The following CTNND2 variants were observed in gnomAD, a reference collection of about 807,000 sequenced individuals.
CTNND2 encodes catenin delta-2.
In CTNND2, 22 loss-of-function variants were observed where a neutral mutation model predicts 144.4. That is an observed-to-expected ratio of 0.15 (90% confidence interval 0.11 to 0.22). CTNND2 has a LOEUF of 0.22. Among genes scored for constraint, CTNND2 ranks in the 10% least tolerant of loss-of-function variants. The probability of loss-of-function intolerance (pLI) is 1.00; values close to 1 mark genes in which losing one functional copy is unlikely to be tolerated. For synonymous variants in CTNND2, 751 were observed against 695.6 expected (o/e 1.08, Z -1.25); for missense variants, 1,353 against 1,618.8 (o/e 0.84, Z 2.82).
intron 2 of CTNND2, among the ~76,000 whole-genome samples, chr5:11,730,131 G>A (rs1032787507): frequency 3.3e-5 from 5 of 152,184 alleles, no homozygotes; most frequent in South Asian, 2.1e-4. Context: ...GCTATTTTGA[G>A]TTGTGTCTTG....
chr5:11,511,621 T>A (rs561808722), intron 3 of CTNND2, among the ~76,000 whole-genome samples: 3 of 152,200 alleles, frequency 2.0e-5, no homozygotes, highest in Non-Finnish European at 4.4e-5. Flanking sequence ...AAATAATTAT[T>A]ATTTTTTTAT....
intron 12 of CTNND2, among the ~76,000 whole-genome samples, chr5:11,142,740 T>C (rs569999986): frequency 1.3e-5 from 2 of 151,482 alleles, no homozygotes; most frequent in Admixed American, 6.6e-5. Flanking sequence ...CAGCCTCCCG[T>C]GTAGCTGGGA....
At chr5:11,271,584 C>T (rs1746015584) in intron 9 of CTNND2, among the ~76,000 whole-genome samples, 1 of 152,118 alleles carries the variant, frequency 6.6e-6, no homozygotes, top group African/African-American at 2.4e-5. Flanking sequence ...CCCCCTGCCA[C>T]CTGGACAGTA....
At chr5:11,830,736 G>A (rs1793856115) in intron 1 of CTNND2, among the ~76,000 whole-genome samples, 1 of 152,174 alleles carries the variant, frequency 6.6e-6, no homozygotes, top group South Asian at 2.1e-4. Flanking sequence ...GCTGAAAATG[G>A]AGGAAGCTGG....
intron 3 of CTNND2, among the ~76,000 whole-genome samples, chr5:11,546,055 C>T (rs918403605): frequency 1.2e-4 from 18 of 151,812 alleles, no homozygotes; most frequent in South Asian, 2.1e-4. Context: ...TGAAAAGAGC[C>T]AATAATAAAA....
chr5:11,200,793 C>A (rs1041416284), intron 10 of CTNND2, among the ~76,000 whole-genome samples: 1 of 152,230 alleles, frequency 6.6e-6, no homozygotes, highest in Non-Finnish European at 1.5e-5. Context: ...ATTCTCCTGC[C>A]TCAGCCTCCC....
At chr5:11,492,837 G>T (rs1769566938) in intron 3 of CTNND2, among the ~76,000 whole-genome samples, 1 of 152,082 alleles carries the variant, frequency 6.6e-6, no homozygotes, top group Non-Finnish European at 1.5e-5. Context: ...TTGGGATGCT[G>T]AGGGGGGCAG....
intron 2 of CTNND2, among the ~76,000 whole-genome samples, chr5:11,646,608 G>C (rs1561654165): frequency 1.4e-5 from 2 of 147,864 alleles, no homozygotes. Context: ...GCATGGAAAA[G>C]TCCTGGCTTC....
intron 18 of CTNND2, among the ~76,000 whole-genome samples, chr5:11,009,185 C>T (rs1740801672): frequency 6.6e-6 from 1 of 152,204 alleles, no homozygotes; most frequent in Non-Finnish European, 1.5e-5. Flanking sequence ...TTGGGAGGTC[C>T]TTGGTTGCAG....
chr5:11,198,664 A>G (rs2149826305), intron 11 of CTNND2, among the ~76,000 whole-genome samples: 1 of 152,340 alleles, frequency 6.6e-6, no homozygotes, highest in Middle Eastern at 3.4e-3. Flanking sequence ...ATGAACTGAA[A>G]ACCAAATATC....
intron 1 of CTNND2, among the ~76,000 whole-genome samples, chr5:11,793,161 C>T (rs866266404): frequency 2.0e-5 from 3 of 152,138 alleles, no homozygotes; most frequent in Non-Finnish European, 4.4e-5. Flanking sequence ...ATGGGGCTCC[C>T]GACCCTTACT....
chr5:11,128,043 G>A (rs189640639), intron 12 of CTNND2, among the ~76,000 whole-genome samples: 294 of 152,038 alleles, frequency 1.9e-3, no homozygotes, highest in African/African-American at 7.0e-3. Context: ...AAAAAAAGAC[G>A]TTGCAGATGG....
intron 2 of CTNND2, among the ~76,000 whole-genome samples, chr5:11,637,460 C>T (rs1292599458): frequency 6.6e-6 from 1 of 152,068 alleles, no homozygotes; most frequent in Admixed American, 6.5e-5. Context: ...CTTAATTTCC[C>T]TCCAATTACT....
At chr5:11,511,550 G>T (rs1346281207) in intron 3 of CTNND2, among the ~76,000 whole-genome samples, 1 of 152,108 alleles carries the variant, frequency 6.6e-6, no homozygotes, top group Non-Finnish European at 1.5e-5. Flanking sequence ...TCCATTTGGG[G>T]ACATATGGTG....
intron 1 of CTNND2, among the ~76,000 whole-genome samples, chr5:11,759,321 A>G (rs1789125775): frequency 6.6e-6 from 1 of 152,104 alleles, no homozygotes; most frequent in Admixed American, 6.6e-5. Context: ...GAAAACCTTA[A>G]TAACCTGCAG....
At chr5:11,683,523 C>T (rs1784513411) in intron 2 of CTNND2, among the ~76,000 whole-genome samples, 1 of 152,180 alleles carries the variant, frequency 6.6e-6, no homozygotes, top group African/African-American at 2.4e-5. Context: ...CAATCCATAG[C>T]ACAACCTAAG....
At chr5:11,500,744 C>G (rs1057145555) in intron 3 of CTNND2, among the ~76,000 whole-genome samples, 4 of 152,216 alleles carry the variant, frequency 2.6e-5, no homozygotes, top group African/African-American at 9.6e-5. Flanking sequence ...AATACACATA[C>G]TGAACACCAC....
chr5:11,621,187 T>G (rs1284971492), intron 2 of CTNND2, among the ~76,000 whole-genome samples: 1 of 152,202 alleles, frequency 6.6e-6, no homozygotes. Flanking sequence ...AAAATAAGTA[T>G]CAGATTTTAG....
chr5:11,567,599 C>T (rs1777223399), intron 2 of CTNND2, among the ~76,000 whole-genome samples: 1 of 152,002 alleles, frequency 6.6e-6, no homozygotes, highest in African/African-American at 2.4e-5. Flanking sequence ...CTAAGCTTTG[C>T]TTCTGCAATG....
Sources: gnomAD v4.1 joint callset for allele counts (sites outside exome capture counted in the v4.1 genomes callset) on GRCh38, gnomAD v4.1.1 for gene constraint, MANE v1.5 for transcripts, NCBI Gene and HGNC (gene_info 2026-07-23, HGNC 2026-07-21) for gene names.